PCOLCE: variants seen among roughly 807,000 people sequenced by gnomAD.
The protein encoded by PCOLCE is procollagen C-endopeptidase enhancer, also known as procollagen C-endopeptidase enhancer 1.
PCOLCE carries 33 observed loss-of-function variants against 47.2 expected under a neutral mutation model. The observed-to-expected ratio is 0.70, with a 90% CI of 0.53 to 0.93. The LOEUF is 0.93. Among genes scored for constraint, PCOLCE ranks in the 40% least tolerant of loss-of-function variants. The pLI is 0.00. For synonymous variants in PCOLCE, 254 were observed against 252.5 expected (o/e 1.01, Z -0.06); for missense variants, 584 against 585.3 (o/e 1.00, Z 0.02).
In PCOLCE at chr7:100,604,228, C is replaced by T. The variant is rs1489984861; in HGVS notation, c.463+11C>T. The T allele has an allele frequency of 6.2e-7, 1 of 1,603,880 alleles. No individual in the cohort carries two copies. The highest frequency in any genetic ancestry group is 8.5e-7 in the Non-Finnish European group (1 of 1,176,846). ...CCACCTCGGGCACTGGTGAGAACTC[C>T]CTCACCTCCGCCTTCCCCCCCTCCA... On this transcript the variant is annotated intron_variant, in intron 3 of 8. Coordinates refer to ENST00000223061, the MANE Select transcript of PCOLCE (RefSeq NM_002593.4). This position sits in a 1 kb window ranked among gnomAD's most constrained non-coding sequence, Gnocchi z 6.4.
At position 100,607,677 on chromosome 7, in the gene PCOLCE, G is replaced by A. The variant is rs1239568184; in HGVS notation, c.1053G>A (p.Gly351=). ...TGAAGTCCATGGTTCGGGAGCCAGG[G>A]GAGGGCCTTGCCGTGACTGTCAGTC... The part of the protein sequence containing the change: ...ATVKSMVREP[G]EGLAVTVSLI... Residue 351 remains glycine, a synonymous_variant, in exon 8 of 9, where the codon GGG becomes GGA. Coordinates refer to ENST00000223061, the MANE Select transcript of PCOLCE (RefSeq NM_002593.4). 3 of 1,614,058 alleles carry A rather than the reference G, an allele frequency of 1.9e-6. No individual in the cohort carries two copies. The Admixed American group carries it at 5.0e-5, about 27-fold the overall frequency.
chr7:100,602,849 C>T, intron 1 of PCOLCE: 1 of 455,612 alleles, frequency 2.2e-6, no homozygotes, highest in South Asian at 3.3e-5. Flanking sequence ...CTGAACTTGC[C>T]TGGTAGCTGG....
rs1375734025 is a variant in PCOLCE, at chr7:100,606,607, CAG to C, written c.920_921del (p.Glu307GlyfsTer7). Reference sequence around the variant, plus strand: ...CCCAAGTCCCAACCTCCGGAGAAAACAGAGGAATCTCCTTCAGCCCCTGGTGA... The same window carrying C: ...CCCAAGTCCCAACCTCCGGAGAAAACAGGAATCTCCTTCAGCCCCTGGTGA... On this transcript the variant is annotated frameshift_variant, in exon 6 of 9. Coordinates refer to ENST00000223061, the MANE Select transcript of PCOLCE (RefSeq NM_002593.4). LOFTEE classifies it high-confidence loss of function. 4 of 1,611,710 alleles carry C rather than the reference CAG, an allele frequency of 2.5e-6. No individual in the cohort carries two copies. The highest frequency in any genetic ancestry group is 3.4e-6 in the Non-Finnish European group (4 of 1,178,150).
chr7:100,606,414 A>G lies in PCOLCE; in HGVS notation c.726-2A>G. The G allele has an allele frequency of 1.2e-6, 2 of 1,612,214 alleles. No homozygotes were observed. Among genetic ancestry groups the G allele is most frequent in the Middle Eastern group, 1.7e-4 (1 of 6,018 alleles). ...CCCCCAATGCTCGGTGGCCACCTGC[A>G]GCTCCATCTCCTCCGAAGGGAATGA... On this transcript the variant is annotated splice_acceptor_variant, in intron 5 of 8. Transcript: ENST00000223061. LOFTEE classifies it high-confidence loss of function.
At chr7:100,602,613 G>A (rs1802630562) in intron 1 of PCOLCE, 62 bp downstream of exon 1, 1 of 1,077,316 alleles carries the variant, frequency 9.3e-7, no homozygotes, top group Non-Finnish European at 1.4e-6. Flanking sequence ...TTCCTTTGGG[G>A]TTATGCCTGG....
chr7:100,606,801 A>G (rs1802725523), intron 6 of PCOLCE, among the ~76,000 whole-genome samples, 171 bp downstream of exon 6: 1 of 152,092 alleles, frequency 6.6e-6, no homozygotes, highest in African/African-American at 2.4e-5. Context: ...TTTCAAAAAT[A>G]AAAAATTAGG....
In PCOLCE at chr7:100,605,906, A is replaced by G. The variant is rs1584441772; in HGVS notation, c.725+94A>G. 7.3e-7 allele frequency: 1 copy of G among 1,366,054 alleles called. No individual in the cohort carries two copies. The highest frequency in any genetic ancestry group is 1.4e-5 in the South Asian group (1 of 72,826). The allele number at this position is 1,366,054 out of a possible 1,614,324, so 84.6% of individuals were successfully genotyped here. On this transcript the variant is annotated intron_variant, in intron 5 of 8. Coordinates refer to ENST00000223061, the MANE Select transcript of PCOLCE (RefSeq NM_002593.4). This position sits in a 1 kb window ranked among gnomAD's most constrained non-coding sequence, Gnocchi z 6.1. Reference sequence around the variant, plus strand: ...GGCGGGGTTCAGCTAAAGGGACGGGATCTGAACCCCAGGGCTCCAAACCGG... The same window carrying G: ...GGCGGGGTTCAGCTAAAGGGACGGGGTCTGAACCCCAGGGCTCCAAACCGG...
rs781629878 is a variant in PCOLCE at position 100,604,201 on chromosome 7, G to T, written c.447G>T (p.Arg149=). 1 of 1,611,642 alleles carries T rather than the reference G, an allele frequency of 6.2e-7. No homozygotes were observed. The highest frequency in any genetic ancestry group is 1.3e-5 in the African/African-American group (1 of 74,968). ...GRGFLLWYSG[R]ATSGTEHQFC... is the part of the protein sequence containing the mutation. ...GCTTCCTGCTCTGGTACAGCGGGCG[G>T]GCCACCTCGGGCACTGGTGAGAACT... The change falls in exon 3 of 9, where the codon CGG becomes CGT. Residue 149 remains arginine, a synonymous_variant. Coordinates refer to ENST00000223061, the MANE Select transcript of PCOLCE (RefSeq NM_002593.4). The surrounding 1 kb of genome is among the most constrained non-coding windows in gnomAD (Gnocchi z 6.4).
chr7:100,603,400 C>G, intron 1 of PCOLCE, 30 bp from the exon 2 acceptor site: 2 of 1,212,384 alleles, frequency 1.6e-6, no homozygotes, highest in Non-Finnish European at 2.4e-6. Context: ...CCCGTCCCTG[C>G]TCTTTCCTGA....
intron 8 of PCOLCE, 33 bp downstream of exon 8, chr7:100,607,840 A>C (rs1365670115): frequency 1.2e-6 from 2 of 1,613,562 alleles, no homozygotes; most frequent in Non-Finnish European, 1.7e-6. Context: ...GGGATGGGTC[A>C]AGCTAAGCCA....
chr7:100,603,592 C>A, intron 2 of PCOLCE, 54 bp downstream of exon 2: 3 of 885,312 alleles, frequency 3.4e-6, no homozygotes, highest in African/African-American at 1.7e-5. Flanking sequence ...GGCAAAAAGG[C>A]CTGACTGCGA....
Position 100,605,308 on chromosome 7 carries a change from C to A in PCOLCE, c.588+93C>A. ...AGATTTATTGAAGATCTGCTGTGTC[C>A]CGAGCACTGCGCTTGCGCTGGTGGG... On this transcript the variant is annotated intron_variant, in intron 4 of 8. Coordinates refer to ENST00000223061, the MANE Select transcript of PCOLCE (RefSeq NM_002593.4). This position sits in a 1 kb window ranked among gnomAD's most constrained non-coding sequence, Gnocchi z 6.1. 1 of 1,315,574 alleles carries A rather than the reference C, an allele frequency of 7.6e-7. No homozygotes were observed. 81.5% of individuals were successfully genotyped at this position (1,315,574 alleles called of 1,614,324 possible). A position where few individuals can be genotyped will look rare whatever the true frequency, so the allele number is the denominator to read the frequency against.
At position 100,605,774 on chromosome 7, in the gene PCOLCE, C is replaced by T. The variant is rs1802704646; in HGVS notation, c.687C>T (p.Ser229=). The T allele has an allele frequency of 1.3e-6, 2 of 1,555,920 alleles. No homozygotes were observed. Among genetic ancestry groups the T allele is most frequent in the Non-Finnish European group, 1.7e-6 (2 of 1,149,546 alleles). ...SVFNGAVSDD[S]RRLGKFCGDA... ...TCAACGGAGCCGTGAGCGACGACTC[C>T]CGGAGGCTGGGGAAGTTCTGCGGCG... is the stretch of plus-strand genomic sequence containing the variant. Residue 229 remains serine, a synonymous_variant, in exon 5 of 9, where the codon TCC becomes TCT. Coordinates refer to ENST00000223061, the MANE Select transcript of PCOLCE (RefSeq NM_002593.4). The surrounding 1 kb of genome is among the most constrained non-coding windows in gnomAD (Gnocchi z 6.1).
intron 5 of PCOLCE, chr7:100,606,199 C>T (rs1253650148): frequency 2.5e-5 from 14 of 561,876 alleles, no homozygotes; most frequent in South Asian, 9.0e-5. Context: ...GGCATGGTGG[C>T]GTGCCTGTAG....
At chr7:100,606,322 C>T in intron 5 of PCOLCE, 94 bp from the exon 6 acceptor site, 1 of 825,366 alleles carries the variant, frequency 1.2e-6, no homozygotes, top group African/African-American at 1.7e-5. Context: ...AAGTGAGACC[C>T]TGTCTCAAAC....
chr7:100,603,796 C>A, intron 2 of PCOLCE, 163 bp from the exon 3 acceptor site: 1 of 749,796 alleles, frequency 1.3e-6, no homozygotes. Flanking sequence ...GCACAGGCTA[C>A]CAGCAGAGCT....
chr7:100,602,438 G>T lies in PCOLCE; in HGVS notation c.-19G>T. ...TGCTGCCTCTGTCTTGAGGACCCCA[G>T]CGCCTTTCCCCCGGGGCCATGCTGC... On this transcript the variant is annotated 5_prime_UTR_variant, in exon 1 of 9. Transcript: ENST00000223061. 2 of 1,553,514 alleles carry T rather than the reference G, an allele frequency of 1.3e-6. No individual in the cohort carries two copies. The highest frequency in any genetic ancestry group is 1.8e-6 in the Non-Finnish European group (2 of 1,127,424).
rs539035110 is a variant in PCOLCE, at chr7:100,607,605, T to C, written c.1013-32T>C. 10 of 1,611,246 alleles carry C rather than the reference T, an allele frequency of 6.2e-6. No homozygotes were observed. The East Asian group carries it at 2.2e-4, about 36-fold the overall frequency. ...CAGTCCTGCCATCTGGAACCTCCCA[T>C]CTCCTCATCTCTCACTCCCATTCTC... On this transcript the variant is annotated intron_variant, in intron 7 of 8. Transcript: ENST00000223061.
At chr7:100,606,380 C>A in intron 5 of PCOLCE, 36 bp from the exon 6 acceptor site, 1 of 1,527,742 alleles carries the variant, frequency 6.5e-7, no homozygotes, top group Non-Finnish European at 9.1e-7. Context: ...CACGCCCGCC[C>A]TGACACTTCC....
Sources: allele counts gnomAD v4.1 joint callset (sites outside exome capture counted in the v4.1 genomes callset), GRCh38; gene constraint gnomAD v4.1.1; non-coding constraint Gnocchi (gnomAD v3.1); transcripts MANE v1.5; gene names NCBI Gene and HGNC (gene_info 2026-07-23, HGNC 2026-07-21).